TNIK: variants seen among roughly 807,000 people sequenced by gnomAD.
TNIK encodes TRAF2 and NCK-interacting protein kinase.
TNIK carries 49 observed loss-of-function variants against 191.3 expected under a neutral mutation model. That is an observed-to-expected ratio of 0.26 (90% CI 0.20 to 0.32). The LOEUF is 0.32. TNIK is among the 10% of genes least tolerant of loss of function. The pLI is 1.00. For missense variants in TNIK, 1,155 were observed against 1,702.3 expected (o/e 0.68, Z 5.66); for synonymous variants, 594 against 600.9 (o/e 0.99, Z 0.17).
intron 1 of TNIK, among the ~76,000 whole-genome samples, chr3:171,405,352 G>A (rs1191943315): frequency 1.3e-5 from 2 of 152,182 alleles, no homozygotes; most frequent in South Asian, 2.1e-4. Context: ...TGGTAAAAAT[G>A]ACCTCAAAAT....
At chr3:171,081,169 TA>T (rs1375775617) in intron 27 of TNIK, among the ~76,000 whole-genome samples, 12 of 152,162 alleles carry the variant, frequency 7.9e-5, no homozygotes, top group African/African-American at 1.7e-4. Context: ...TACATGGGAT[TA>T]AACTCAAATG....
chr3:171,142,876 CTCTT>C (rs1427793224), intron 12 of TNIK, among the ~76,000 whole-genome samples: 5 of 152,222 alleles, frequency 3.3e-5, no homozygotes, highest in African/African-American at 4.8e-5. Flanking sequence ...AACCATCCGT[CTCTT>C]TCTTAAGGAA....
intron 1 of TNIK, among the ~76,000 whole-genome samples, chr3:171,451,520 A>T (rs1360581494): frequency 6.6e-6 from 1 of 152,244 alleles, no homozygotes; most frequent in Non-Finnish European, 1.5e-5. Context: ...TGTTTAGGCC[A>T]CTAAGCTTGA....
chr3:171,097,185 A>G (rs56055948), intron 22 of TNIK, among the ~76,000 whole-genome samples: 4,156 of 152,296 alleles, frequency 0.027, 191 homozygotes, highest in African/African-American at 0.087. Context: ...AACTGTGATA[A>G]GAGAATCTCA....
intron 1 of TNIK, among the ~76,000 whole-genome samples, chr3:171,381,028 C>G (rs1038042342): frequency 6.6e-6 from 1 of 151,920 alleles, no homozygotes; most frequent in Non-Finnish European, 1.5e-5. Context: ...AAATCTCATA[C>G]AGATGTTAAT....
At chr3:171,332,854 A>G (rs1220560953) in intron 2 of TNIK, among the ~76,000 whole-genome samples, 1 of 152,232 alleles carries the variant, frequency 6.6e-6, no homozygotes, top group Non-Finnish European at 1.5e-5. Flanking sequence ...ATGCTTGGGT[A>G]TTATCTATAC....
intron 12 of TNIK, among the ~76,000 whole-genome samples, chr3:171,145,857 T>C (rs1009021100): frequency 6.7e-6 from 1 of 150,290 alleles, no homozygotes; most frequent in African/African-American, 2.5e-5. Context: ...TACACCAGGG[T>C]GTTCTAGCTC....
intron 2 of TNIK, among the ~76,000 whole-genome samples, chr3:171,265,514 GCAGA>G (rs1748272900): frequency 1.3e-5 from 2 of 152,172 alleles, no homozygotes; most frequent in Admixed American, 6.5e-5. Context: ...ATTAATTTGG[GCAGA>G]CAGAGATTTC....
chr3:171,068,630 G>A (rs1055017927), intron 30 of TNIK, among the ~76,000 whole-genome samples: 3 of 152,088 alleles, frequency 2.0e-5, no homozygotes, highest in Non-Finnish European at 4.4e-5. Flanking sequence ...AATGCCAAAT[G>A]ATTTCTATTA....
At chr3:171,258,105 C>G (rs990810956) in intron 2 of TNIK, among the ~76,000 whole-genome samples, 1 of 152,106 alleles carries the variant, frequency 6.6e-6, no homozygotes, top group Non-Finnish European at 1.5e-5. Context: ...AGAATAATGA[C>G]AGCAAAATGA....
intron 2 of TNIK, among the ~76,000 whole-genome samples, chr3:171,239,251 G>A (rs372070534): frequency 1.7e-4 from 26 of 152,266 alleles, no homozygotes; most frequent in African/African-American, 5.5e-4. Flanking sequence ...TAAGTCATGT[G>A]AAGTTTTAAG....
intron 2 of TNIK, among the ~76,000 whole-genome samples, chr3:171,364,173 T>C (rs1172148084): frequency 1.3e-5 from 2 of 152,194 alleles, no homozygotes; most frequent in Non-Finnish European, 2.9e-5. Flanking sequence ...TTTCAGAAGT[T>C]GGAGCCGGGA....
intron 2 of TNIK, among the ~76,000 whole-genome samples, chr3:171,294,260 C>T (rs1316197739): frequency 1.3e-5 from 2 of 150,744 alleles, no homozygotes; most frequent in African/African-American, 4.9e-5. Context: ...ACAAATAAAA[C>T]AAAACAAAAA....
intron 12 of TNIK, among the ~76,000 whole-genome samples, chr3:171,152,188 T>A (rs1386022718): frequency 6.6e-6 from 1 of 151,788 alleles, no homozygotes; most frequent in Non-Finnish European, 1.5e-5. Flanking sequence ...GGCTGAGGCA[T>A]AAGGATTGCT....
rs73030907 is a variant in TNIK at position 171,272,091 on chromosome 3, C to A, written c.124-43870G>T. Among the ~76,000 whole-genome samples, 309 of 152,324 alleles carry A rather than the reference C, an allele frequency of 2.0e-3. 1 individual carries two copies. The highest frequency in any genetic ancestry group is 7.2e-3 in the African/African-American group (299 of 41,576). On this transcript the variant is annotated intron_variant, in intron 2 of 32. Transcript: ENST00000436636. ...CCACCCGGAGATGGTAAAGGCACTA[C>A]GTGATGACAGCGAGAGAAAAGAATA...
At chr3:171,226,548 G>A (rs562764549) in intron 3 of TNIK, among the ~76,000 whole-genome samples, 94 of 152,088 alleles carry the variant, frequency 6.2e-4, no homozygotes, top group Non-Finnish European at 1.0e-3. Flanking sequence ...GTTATTTAGC[G>A]TTTTCTTAAA....
At chr3:171,139,620 T>G in intron 13 of TNIK, 64 bp from the exon 14 acceptor site, 1 of 1,538,046 alleles carries the variant, frequency 6.5e-7, no homozygotes, top group Non-Finnish European at 9.0e-7. Context: ...AACCAGTAAT[T>G]TCAAAGGCGA....
chr3:171,228,299 T>C, intron 2 of TNIK, 78 bp from the exon 3 acceptor site: 1 of 1,553,410 alleles, frequency 6.4e-7, no homozygotes, highest in Non-Finnish European at 8.9e-7. Flanking sequence ...TAAAGAAAAA[T>C]TGCTTGGATC....
At chr3:171,139,376 G>GCACACA (rs1271020696) in intron 14 of TNIK, 94 bp downstream of exon 14, 119 of 531,942 alleles carry the variant, frequency 2.2e-4, no homozygotes, top group Admixed American at 2.8e-4. Context: ...ACACGCACGC[G>GCACACA]CGCACACACA....
Sources: gnomAD v4.1 joint callset for allele counts (sites outside exome capture counted in the v4.1 genomes callset) on GRCh38, gnomAD v4.1.1 for gene constraint, MANE v1.5 for transcripts, NCBI Gene and HGNC (gene_info 2026-07-23, HGNC 2026-07-21) for gene names.